Variants in SLC39A11 observed in about 807,000 individuals in gnomAD.
The protein encoded by SLC39A11 is solute carrier family 39 member 11, also known as zinc transporter ZIP11.
Under a neutral mutation model 36.1 loss-of-function variants are expected in SLC39A11, and 33 were observed. That is an observed-to-expected ratio of 0.91 (90% confidence interval 0.69 to 1.22). SLC39A11 has a LOEUF of 1.22. Among genes scored for constraint, SLC39A11 ranks in the 50% most tolerant of loss-of-function variants. The pLI is 0.00. For missense variants in SLC39A11, 432 were observed against 430.3 expected (o/e 1.00, Z -0.03); for synonymous variants, 166 against 170.3 (o/e 0.97, Z 0.20).
chr17:72,915,052 C>G (rs943352866), intron 5 of SLC39A11, among the ~76,000 whole-genome samples: 1 of 152,060 alleles, frequency 6.6e-6, no homozygotes, highest in Non-Finnish European at 1.5e-5. Flanking sequence ...GTTCGCTGTC[C>G]TGACCGGAGC....
intron 5 of SLC39A11, among the ~76,000 whole-genome samples, chr17:72,909,905 C>T (rs990486378): frequency 1.3e-5 from 2 of 151,966 alleles, no homozygotes; most frequent in Non-Finnish European, 2.9e-5. Context: ...GCCATTACGC[C>T]CGGCTACTTT....
At chr17:72,678,957 G>A (rs533280961) in intron 7 of SLC39A11, among the ~76,000 whole-genome samples, 2 of 152,224 alleles carry the variant, frequency 1.3e-5, no homozygotes, top group East Asian at 1.9e-4. Flanking sequence ...GAATGAGATC[G>A]TGTCATCTGC....
At chr17:73,054,275 T>C (rs2059598765) in intron 3 of SLC39A11, among the ~76,000 whole-genome samples, 1 of 150,822 alleles carries the variant, frequency 6.6e-6, no homozygotes, top group Non-Finnish European at 1.5e-5. Context: ...GGCAGGAGAA[T>C]CTCTTGAACC....
At chr17:72,858,589 C>T (rs554434491) in intron 5 of SLC39A11, among the ~76,000 whole-genome samples, 4 of 152,232 alleles carry the variant, frequency 2.6e-5, no homozygotes, top group East Asian at 1.9e-4. Flanking sequence ...TTAATACTAT[C>T]GATTCTTCCT....
chr17:72,683,575 G>A (rs892480199), intron 7 of SLC39A11, among the ~76,000 whole-genome samples: 4 of 151,948 alleles, frequency 2.6e-5, no homozygotes, highest in African/African-American at 7.3e-5. Context: ...AGGCTCAAGT[G>A]ATCCTCCCGC....
At chr17:73,090,723 G>C (rs747669151) in intron 1 of SLC39A11, among the ~76,000 whole-genome samples, 4 of 152,194 alleles carry the variant, frequency 2.6e-5, no homozygotes, top group Non-Finnish European at 5.9e-5. Context: ...TGTGGATCTT[G>C]TGGGCTGGTG....
intron 3 of SLC39A11, among the ~76,000 whole-genome samples, chr17:73,040,229 C>T (rs2059062759): frequency 6.6e-6 from 1 of 152,134 alleles, no homozygotes; most frequent in Non-Finnish European, 1.5e-5. Context: ...CATTAATATC[C>T]CATGACTTCC....
chr17:72,934,134 A>G (rs2084600282), intron 5 of SLC39A11, among the ~76,000 whole-genome samples: 1 of 152,160 alleles, frequency 6.6e-6, no homozygotes, highest in African/African-American at 2.4e-5. Context: ...TTAGAAAAAA[A>G]AAATAGGAGA....
intron 5 of SLC39A11, among the ~76,000 whole-genome samples, chr17:72,932,469 G>A (rs2147450001): frequency 6.9e-6 from 1 of 144,646 alleles, no homozygotes; most frequent in African/African-American, 2.6e-5. Flanking sequence ...AGGCCCCGGT[G>A]TGTGATGTTC....
chr17:73,064,771 C>A (rs898999731), intron 3 of SLC39A11, among the ~76,000 whole-genome samples: 22 of 152,144 alleles, frequency 1.4e-4, no homozygotes, highest in Admixed American at 7.9e-4. Flanking sequence ...GGCATCCAAC[C>A]CTGTAGCCAG....
chr17:72,663,280 C>T (rs2070560964), intron 7 of SLC39A11, among the ~76,000 whole-genome samples: 1 of 152,174 alleles, frequency 6.6e-6, no homozygotes, highest in Non-Finnish European at 1.5e-5. Context: ...GATTTCAGTT[C>T]CTAGGGAGGA....
intron 6 of SLC39A11, among the ~76,000 whole-genome samples, chr17:72,771,449 G>GT (rs2075940562): frequency 6.6e-6 from 1 of 152,032 alleles, no homozygotes; most frequent in South Asian, 2.1e-4. Flanking sequence ...TTCGTGCCTC[G>GT]TGTTCTATAG....
chr17:72,794,340 C>G (rs1212140270), intron 6 of SLC39A11, among the ~76,000 whole-genome samples: 1 of 152,122 alleles, frequency 6.6e-6, no homozygotes, highest in African/African-American at 2.4e-5. Context: ...CAGCCCCCAC[C>G]AAGCCAGCGA....
intron 5 of SLC39A11, among the ~76,000 whole-genome samples, chr17:72,881,953 C>T (rs952304168): frequency 5.3e-5 from 8 of 152,180 alleles, no homozygotes; most frequent in African/African-American, 1.7e-4. Context: ...TTTATTTCTC[C>T]ATCCCATGAC....
chr17:73,088,293 C>CCAAAAAAAA (rs780928823), intron 2 of SLC39A11, among the ~76,000 whole-genome samples: 1 of 65,914 alleles, frequency 1.5e-5, no homozygotes, highest in Non-Finnish European at 3.5e-5. Flanking sequence ...GATTCTGTCT[C>CCAAAAAAAA]AAAAAAAAAA....
intron 6 of SLC39A11, among the ~76,000 whole-genome samples, chr17:72,748,779 T>C (rs1378070981): frequency 6.6e-6 from 1 of 152,188 alleles, no homozygotes; most frequent in Non-Finnish European, 1.5e-5. Flanking sequence ...TCCGAGCTGT[T>C]CCAACTAACG....
At chr17:72,653,361 A>G (rs2143893864) in intron 7 of SLC39A11, among the ~76,000 whole-genome samples, 1 of 151,356 alleles carries the variant, frequency 6.6e-6, no homozygotes, top group East Asian at 2.0e-4. Flanking sequence ...CACCTGCCTC[A>G]GCCTTGAAAA....
intron 7 of SLC39A11, among the ~76,000 whole-genome samples, chr17:72,655,438 C>T (rs996493087): frequency 7.2e-5 from 11 of 152,222 alleles, no homozygotes; most frequent in Admixed American, 6.5e-5. Context: ...CGGCAAATGC[C>T]GATGCCTCGG....
Position 72,849,733 on chromosome 17 carries a change from C to T in SLC39A11, c.502G>A (p.Val168Ile), listed in dbSNP as rs1183575960. Reference sequence around the variant, plus strand: ...AGATTCCCTCGAGAAGGCACAGGGACAGCAGGACCCTCTGGAAGGCCAGTG... The same window carrying T: ...AGATTCCCTCGAGAAGGCACAGGGATAGCAGGACCCTCTGGAAGGCCAGTG... ...AATGLPEGPA[V>I]PVPSRGNLAQ... Residue 168 changes from valine (V) to isoleucine (I), a missense_variant, in exon 6 of 10, where the codon GTC becomes ATC. Coordinates refer to ENST00000255559, the MANE Select transcript of SLC39A11 (RefSeq NM_139177.4). 1 of 1,610,736 alleles carries T rather than the reference C, an allele frequency of 6.2e-7. No homozygotes were observed. Among genetic ancestry groups the T allele is most frequent in the Admixed American group, 1.7e-5 (1 of 59,394 alleles).
Sources: allele counts gnomAD v4.1 joint callset (sites outside exome capture counted in the v4.1 genomes callset), GRCh38; gene constraint gnomAD v4.1.1; transcripts MANE v1.5; gene names NCBI Gene and HGNC (gene_info 2026-07-23, HGNC 2026-07-21).